Variants in ATF7IP observed in about 807,000 individuals in gnomAD.
ATF7IP encodes activating transcription factor 7-interacting protein 1.
ATF7IP carries 23 observed loss-of-function variants against 106.4 expected under a neutral mutation model. The ratio of observed to expected loss-of-function variants is 0.22; its 90% confidence interval spans 0.16 to 0.31. The LOEUF is 0.31. Among genes scored for constraint, ATF7IP ranks in the 10% least tolerant of loss-of-function variants. The probability of loss-of-function intolerance (pLI) is 1.00; values close to 1 mark genes in which losing one functional copy is unlikely to be tolerated. For missense variants in ATF7IP, 1,334 were observed against 1,524.3 expected, an observed-to-expected ratio of 0.88 and a Z score of 2.08; for synonymous variants, 542 against 539.0, an observed-to-expected ratio of 1.01 and a Z score of -0.08.
At chr12:14,455,342 G>A (rs2136698254) in intron 6 of ATF7IP, among the ~76,000 whole-genome samples, 1 of 152,050 alleles carries the variant, frequency 6.6e-6, no homozygotes, top group Middle Eastern at 3.4e-3. Flanking sequence ...CAGATTTTAA[G>A]CACCTTTATA....
In ATF7IP at chr12:14,416,242, G is replaced by A. The variant is rs200034065; in HGVS notation, c.-7-7667G>A. ...CTAATAGCAGAGTTGCATTTCTAAA[G>A]AGGTTAGAAATTATCAGCATAAAGT... On this transcript the variant is annotated intron_variant, in intron 1 of 14. Coordinates refer to ENST00000261168, the MANE Select transcript of ATF7IP (RefSeq NM_018179.5). Among the ~76,000 whole-genome samples, 93 of 150,532 alleles carry A rather than the reference G, an allele frequency of 6.2e-4. 2 individuals carry two copies. The East Asian group carries it at 0.018, about 29-fold the overall frequency.
chr12:14,449,087 A>T (rs901193743), intron 6 of ATF7IP, among the ~76,000 whole-genome samples: 1 of 152,058 alleles, frequency 6.6e-6, no homozygotes, highest in Non-Finnish European at 1.5e-5. Flanking sequence ...ACTTTTTTGC[A>T]TCCTTTGTTT....
chr12:14,469,953 G>C (rs1408780118), intron 10 of ATF7IP, among the ~76,000 whole-genome samples: 1 of 152,136 alleles, frequency 6.6e-6, no homozygotes, highest in Non-Finnish European at 1.5e-5. Context: ...TGGAGGTCTG[G>C]TCACATAGTG....
At chr12:14,406,388 C>T (rs866759396) in intron 1 of ATF7IP, among the ~76,000 whole-genome samples, 3 of 152,110 alleles carry the variant, frequency 2.0e-5, no homozygotes, top group African/African-American at 4.8e-5. Flanking sequence ...CGAGAGCCAC[C>T]GCGCCTGGCC....
chr12:14,454,027 G>A (rs1310215904), intron 6 of ATF7IP, among the ~76,000 whole-genome samples: 1 of 152,012 alleles, frequency 6.6e-6, no homozygotes, highest in East Asian at 1.9e-4. Context: ...TTATTTGATT[G>A]GACCATGTTT....
chr12:14,381,330 C>T (rs1018617284), intron 1 of ATF7IP, among the ~76,000 whole-genome samples: 2 of 152,136 alleles, frequency 1.3e-5, no homozygotes, highest in African/African-American at 4.8e-5. Context: ...CTCCCAGGTT[C>T]AAGTGATTCT....
Position 14,475,954 on chromosome 12 carries a change from G to C in ATF7IP, c.2927G>C (p.Ser976Thr), listed in dbSNP as rs200505464. ...GATCTCACAATGGATGATGAAGAGA[G>C]TGGAGCTTCACAAGGTACTTCAATA... ...VIDLTMDDEESGASQDPKKLN... is the reference protein window; with the variant it reads ...VIDLTMDDEETGASQDPKKLN... The change falls in exon 11 of 15, where the codon AGT becomes ACT. Residue 976 changes from serine to threonine, a missense_variant. Coordinates refer to ENST00000261168, the MANE Select transcript of ATF7IP (RefSeq NM_018179.5). The C allele has an allele frequency of 6.2e-7, 1 of 1,613,608 alleles. No individual in the cohort carries two copies. Among genetic ancestry groups the C allele is most frequent in the Non-Finnish European group, 8.5e-7 (1 of 1,179,580 alleles).
intron 13 of ATF7IP, among the ~76,000 whole-genome samples, chr12:14,494,284 AATATATATATATATATATATATATATAT>A (rs747194414): frequency 0.017 from 892 of 53,806 alleles, 62 homozygotes; most frequent in African/African-American, 0.046. Context: ...GAGCTAATAG[AATATATATATATATATATATATATATAT>A]ATATATATAT....
At chr12:14,461,520 G>A (rs1943637452) in intron 9 of ATF7IP, among the ~76,000 whole-genome samples, 1 of 152,074 alleles carries the variant, frequency 6.6e-6, no homozygotes, top group Admixed American at 6.5e-5. Context: ...ACACGTTTAT[G>A]TTCCTTACCC....
intron 1 of ATF7IP, among the ~76,000 whole-genome samples, chr12:14,402,511 GA>G (rs1940298970): frequency 6.6e-6 from 1 of 150,550 alleles, no homozygotes; most frequent in Admixed American, 6.6e-5. Flanking sequence ...AGGAAGAATT[GA>G]TTTTTTTTTT....
chr12:14,484,757 C>A (rs1156737120), intron 13 of ATF7IP, among the ~76,000 whole-genome samples: 2 of 152,170 alleles, frequency 1.3e-5, no homozygotes, highest in Non-Finnish European at 2.9e-5. Context: ...TGAGCCACTT[C>A]CTCATGTAAA....
Position 14,468,881 on chromosome 12 carries a change from C to T in ATF7IP, c.2862+2291C>T, listed in dbSNP as rs938750185. ...GTGATGAATACCTTTATTAATGTTACACTATTGACTAAGAAGTTGTTATCT... is the reference window on the plus strand; with the variant it reads ...GTGATGAATACCTTTATTAATGTTATACTATTGACTAAGAAGTTGTTATCT... On this transcript the variant is annotated intron_variant, in intron 10 of 14. Coordinates refer to ENST00000261168, the MANE Select transcript of ATF7IP (RefSeq NM_018179.5). Among the ~76,000 whole-genome samples, 9 of 152,092 alleles carry T rather than the reference C, an allele frequency of 5.9e-5. No homozygotes were observed. The East Asian group carries it at 7.7e-4, about 13-fold the overall frequency.
chr12:14,439,781 T>C (rs1942605346), intron 5 of ATF7IP, among the ~76,000 whole-genome samples: 1 of 152,034 alleles, frequency 6.6e-6, no homozygotes, highest in Non-Finnish European at 1.5e-5. Context: ...TGCAGTGAGC[T>C]GAGATCGGGC....
chr12:14,416,019 A>G lies in ATF7IP; in HGVS notation c.-7-7890A>G, dbSNP rs1288589806. On this transcript the variant is annotated intron_variant, in intron 1 of 14. Transcript: ENST00000261168. ...AAATCTTTATACTAAATTTGAGCAG[A>G]TAAGTATCAAAGTGAGTGAACAGAT... is the stretch of plus-strand genomic sequence containing the variant. Among the ~76,000 whole-genome samples, 9 of 152,306 alleles carry G rather than the reference A, an allele frequency of 5.9e-5. No individual in the cohort carries two copies. In the South Asian group the frequency reaches 1.7e-3, roughly 28 times the overall value.
chr12:14,436,941 G>A (rs570314226), intron 4 of ATF7IP, among the ~76,000 whole-genome samples: 1 of 152,144 alleles, frequency 6.6e-6, no homozygotes, highest in South Asian at 2.1e-4. Flanking sequence ...AAATGTTAGA[G>A]TTTTAAATAT....
intron 1 of ATF7IP, among the ~76,000 whole-genome samples, chr12:14,422,817 G>T (rs553298912): frequency 6.6e-6 from 1 of 152,236 alleles, no homozygotes; most frequent in African/African-American, 2.4e-5. Flanking sequence ...CATTTAGGTT[G>T]TTTCCAGTTT....
At chr12:14,449,253 C>T (rs1943103657) in intron 6 of ATF7IP, among the ~76,000 whole-genome samples, 1 of 151,958 alleles carries the variant, frequency 6.6e-6, no homozygotes, top group Non-Finnish European at 1.5e-5. Context: ...CGTATGTTTT[C>T]TTGTAGGAAT....
intron 1 of ATF7IP, among the ~76,000 whole-genome samples, chr12:14,416,380 A>G (rs948016314): frequency 1.4e-4 from 21 of 152,188 alleles, no homozygotes; most frequent in African/African-American, 4.8e-4. Context: ...CTCTCAGGCA[A>G]CAGCATGAAT....
chr12:14,470,022 C>T (rs1381681982), intron 10 of ATF7IP, among the ~76,000 whole-genome samples: 2 of 152,082 alleles, frequency 1.3e-5, no homozygotes, highest in Non-Finnish European at 2.9e-5. Context: ...CAATGAAACC[C>T]AAGTGTACAT....
Sources: gnomAD v4.1 joint callset for allele counts (sites outside exome capture counted in the v4.1 genomes callset) on GRCh38, gnomAD v4.1.1 for gene constraint, MANE v1.5 for transcripts, NCBI Gene and HGNC (gene_info 2026-07-23, HGNC 2026-07-21) for gene names.